NLE1: variants seen among roughly 807,000 people sequenced by gnomAD.
The protein encoded by NLE1 is notchless homolog 1.
NLE1 carries 37 observed loss-of-function variants against 62.8 expected under a neutral mutation model. The ratio of observed to expected loss-of-function variants is 0.59; its 90% confidence interval spans 0.45 to 0.78. The LOEUF is 0.78. Ranked by LOEUF, NLE1 falls within the 30% of genes least tolerant of loss-of-function variation. The pLI is 0.00. For synonymous variants in NLE1, 243 were observed against 253.0 expected, an observed-to-expected ratio of 0.96 and a Z score of 0.37; for missense variants, 555 against 637.9, an observed-to-expected ratio of 0.87 and a Z score of 1.40.
rs1420112029 is a variant in NLE1, at chr17:35,142,127, G to A, written c.19-5C>T. ...ATCGCGCGCCACCGCCTCGTCCTGCGCGAGCAAGTGGGGCGGGAGTCAGTC... is the reference window on the plus strand; with the variant it reads ...ATCGCGCGCCACCGCCTCGTCCTGCACGAGCAAGTGGGGCGGGAGTCAGTC... On this transcript the variant is annotated splice_polypyrimidine_tract_variant and splice_region_variant and intron_variant, in intron 1 of 12. Coordinates refer to ENST00000442241, the MANE Select transcript of NLE1 (RefSeq NM_018096.5). 2.5e-6 allele frequency: 4 copies of A among 1,610,536 alleles called. No individual in the cohort carries two copies. In the East Asian group the frequency reaches 6.7e-5, roughly 27 times the overall value.
At chr17:35,135,559 A>T in intron 9 of NLE1, 108 bp from the exon 10 acceptor site, 1 of 953,174 alleles carries the variant, frequency 1.0e-6, no homozygotes. Context: ...CCAGGGACAG[A>T]GAGAGGCCAG....
In NLE1 at chr17:35,129,479, C is replaced by T. The variant is rs1009891471; in HGVS notation, c.*2958G>A. 4.3e-6 allele frequency: 7 copies of T among 1,614,208 alleles called. No individual in the cohort carries two copies. Among genetic ancestry groups the T allele is most frequent in the Non-Finnish European group, 5.9e-6 (7 of 1,180,034 alleles). On this transcript the variant is annotated 3_prime_UTR_variant, in exon 13 of 13. Coordinates refer to ENST00000442241, the MANE Select transcript of NLE1 (RefSeq NM_018096.5). ...GGTCAGTTTCTACCAGCTCCTGTTA[C>T]AGGAGGTGGCCAAGACACAGGAGAA...
intron 2 of NLE1, 57 bp downstream of exon 2, chr17:35,141,922 C>T (rs543359264): frequency 2.0e-6 from 3 of 1,516,482 alleles, no homozygotes; most frequent in East Asian, 4.9e-5. Context: ...TAATATGATT[C>T]CCCCACCGCA....
chr17:35,138,960 C>T (rs1057318217), intron 4 of NLE1, among the ~76,000 whole-genome samples: 3 of 152,026 alleles, frequency 2.0e-5, no homozygotes, highest in African/African-American at 7.3e-5. Context: ...TAGGAACAGA[C>T]AGCCGCCAAC....
chr17:35,136,971 G>A (rs1258153702), intron 7 of NLE1, 30 bp downstream of exon 7: 1 of 1,554,338 alleles, frequency 6.4e-7, no homozygotes, highest in Non-Finnish European at 8.8e-7. Context: ...CGATTTTCTG[G>A]ACTGGTTTCT....
At chr17:35,137,517 G>A (rs769876469) in intron 6 of NLE1, 26 bp downstream of exon 6, 1 of 1,579,200 alleles carries the variant, frequency 6.3e-7, no homozygotes, top group South Asian at 1.1e-5. Flanking sequence ...TGGCTCATTT[G>A]TCCCAGCTCC....
Position 35,130,095 on chromosome 17 carries a change from C to T in NLE1, c.*2342G>A. On this transcript the variant is annotated 3_prime_UTR_variant, in exon 13 of 13. Transcript: ENST00000442241. The stretch of plus-strand genomic sequence containing the variant: ...AGACAGCCCTTTGGTTGGAAATATC[C>T]CATAATGAGGAGGTACAGGCTTGAG... 7.0e-7 allele frequency: 1 copy of T among 1,425,402 alleles called. No homozygotes were observed. Among genetic ancestry groups the T allele is most frequent in the South Asian group, 1.5e-5 (1 of 64,690 alleles). The allele number at this position is 1,425,402 out of a possible 1,614,324, so 88.3% of individuals were successfully genotyped here.
In NLE1 at chr17:35,129,800, T is replaced by C; in HGVS notation, c.*2637A>G. The C allele has an allele frequency of 6.9e-7, 1 of 1,447,774 alleles. No individual in the cohort carries two copies. The allele number at this position is 1,447,774 out of a possible 1,614,324, so 89.7% of individuals were successfully genotyped here. A position where few individuals can be genotyped will look rare whatever the true frequency, so the allele number is the denominator to read the frequency against. On this transcript the variant is annotated 3_prime_UTR_variant, in exon 13 of 13. Transcript: ENST00000442241. Reference sequence around the variant, plus strand: ...TTCTGCCTGGGTCAAGAAGCATCAATTCCAGAATGCATGCTTCTGGGAGGT... The same window carrying C: ...TTCTGCCTGGGTCAAGAAGCATCAACTCCAGAATGCATGCTTCTGGGAGGT...
chr17:35,135,398 C>G lies in NLE1; in HGVS notation c.1065G>C (p.Leu355=), dbSNP rs149574272. The G allele has an allele frequency of 1.8e-4, 285 of 1,614,086 alleles. No homozygotes were observed. The highest frequency in any genetic ancestry group is 2.3e-4 in the Non-Finnish European group (270 of 1,180,052). The part of the protein sequence containing the change: ...VSGSDDFTLF[L]WSPAEDKKPL... Reference sequence around the variant, plus strand: ...GCTTTTTGTCCTCTGCTGGGGACCACAGGAATAAGGTGAAGTCGTCGGAGC... The same window carrying G: ...GCTTTTTGTCCTCTGCTGGGGACCAGAGGAATAAGGTGAAGTCGTCGGAGC... The change falls in exon 10 of 13, where the codon CTG becomes CTC. Residue 355 remains leucine, a synonymous_variant. Coordinates refer to ENST00000442241, the MANE Select transcript of NLE1 (RefSeq NM_018096.5).
At chr17:35,141,714 G>C (rs1597896084) in intron 2 of NLE1, among the ~76,000 whole-genome samples, 1 of 152,232 alleles carries the variant, frequency 6.6e-6, no homozygotes, top group South Asian at 2.1e-4. Context: ...ACGTGTCCCA[G>C]ACTGGGGGAC....
In NLE1 at chr17:35,142,114, C is replaced by T; in HGVS notation, c.27G>A (p.Ala9=). ...GCAACCGCTGCACATCGCGCGCCACCGCCTCGTCCTGCGCGAGCAAGTGGG... is the reference window on the plus strand; with the variant it reads ...GCAACCGCTGCACATCGCGCGCCACTGCCTCGTCCTGCGCGAGCAAGTGGG... MAAAVPDE[A]VARDVQRLLV... The change falls in exon 2 of 13, where the codon GCG becomes GCA. Residue 9 remains alanine (A), a synonymous_variant. Coordinates refer to ENST00000442241, the MANE Select transcript of NLE1 (RefSeq NM_018096.5). The T allele has an allele frequency of 1.9e-6, 3 of 1,611,326 alleles. No homozygotes were observed. Among genetic ancestry groups the T allele is most frequent in the South Asian group, 2.2e-5 (2 of 91,040 alleles).
intron 6 of NLE1, 138 bp from the exon 7 acceptor site, chr17:35,137,331 G>C: frequency 1.1e-6 from 1 of 897,384 alleles, no homozygotes; most frequent in Non-Finnish European, 1.7e-6. Context: ...TGCACTGCAA[G>C]GTGACTGCAA....
intron 10 of NLE1, among the ~76,000 whole-genome samples, chr17:35,134,037 G>A (rs1459112078): frequency 1.3e-5 from 2 of 152,128 alleles, no homozygotes; most frequent in South Asian, 2.1e-4. Context: ...CCCTAACAAG[G>A]TTTCCCTGGC....
chr17:35,139,156 G>T, intron 4 of NLE1, 79 bp downstream of exon 4: 1 of 1,267,128 alleles, frequency 7.9e-7, no homozygotes, highest in Non-Finnish European at 1.1e-6. Flanking sequence ...CTGCACCACT[G>T]TACTCCATCC....
Position 35,142,045 on chromosome 17 carries a change from C to G in NLE1, c.96G>C (p.Pro32=), listed in dbSNP as rs530680085. 4.1e-5 allele frequency: 66 copies of G among 1,612,116 alleles called. 1 individual carries two copies. In the Admixed American group the frequency reaches 1.1e-3, roughly 27 times the overall value. ...QDEGGQLLGS[P]FDVPVDITPD... ...GGGTGATGTCCACGGGCACGTCGAA[C>G]GGGGAACCCAGCAGCTGCCCGCCCT... The change falls in exon 2 of 13, where the codon CCG becomes CCC. Residue 32 remains proline (P), a synonymous_variant. Transcript: ENST00000442241.
chr17:35,141,879 G>A (rs754836756), intron 2 of NLE1, 100 bp downstream of exon 2: 54 of 1,364,026 alleles, frequency 4.0e-5, no homozygotes, highest in African/African-American at 1.6e-4. Flanking sequence ...ACCACAGTCC[G>A]TTAGCGGGGG....
In NLE1 at chr17:35,142,261, C is replaced by T; in HGVS notation, c.15G>A (p.Val5=). ...GCCCCCATCCACGCACACCCACCGG[C>T]ACTGCTGCCGCCATCCTGCGTCCCC... MAAA[V]PDEAVARDVQ... The change falls in exon 1 of 13, where the codon GTG becomes GTA. Residue 5 remains valine, a synonymous_variant. Coordinates refer to ENST00000442241, the MANE Select transcript of NLE1 (RefSeq NM_018096.5). The T allele has an allele frequency of 6.5e-7, 1 of 1,544,648 alleles. No homozygotes were observed. The highest frequency in any genetic ancestry group is 1.2e-5 in the South Asian group (1 of 84,444).
chr17:35,139,822 C>G (rs778085445), intron 3 of NLE1, 27 bp downstream of exon 3: 3 of 1,604,874 alleles, frequency 1.9e-6, no homozygotes, highest in Non-Finnish European at 2.5e-6. Context: ...CCACATACCC[C>G]CTCCATGAGT....
Position 35,131,452 on chromosome 17 carries a change from T to A in NLE1, c.*985A>T, listed in dbSNP as rs1297987696. 6.6e-6 allele frequency: 1 copy of A among 152,180 alleles called. No homozygotes were observed. The highest frequency in any genetic ancestry group is 1.5e-5 in the Non-Finnish European group (1 of 68,046). 9.4% of individuals were successfully genotyped at this position (152,180 alleles called of 1,614,324 possible). A position where few individuals can be genotyped will look rare whatever the true frequency, so the allele number is the denominator to read the frequency against. On this transcript the variant is annotated 3_prime_UTR_variant, in exon 13 of 13. Coordinates refer to ENST00000442241, the MANE Select transcript of NLE1 (RefSeq NM_018096.5). ...GATGCAGGAGAAAGCAGAGGCAGGG[T>A]ACATTCAGGGCAAGATCTCGGCCTG...
Sources: gnomAD v4.1 joint callset for allele counts (sites outside exome capture counted in the v4.1 genomes callset) on GRCh38, gnomAD v4.1.1 for gene constraint, MANE v1.5 for transcripts, NCBI Gene and HGNC (gene_info 2026-07-23, HGNC 2026-07-21) for gene names.